Variants in KCNG2 observed in about 807,000 individuals in gnomAD.
The protein encoded by KCNG2 is potassium voltage-gated channel modifier subfamily G member 2, also known as voltage-gated potassium channel regulatory subunit KCNG2.
Under a neutral mutation model 12.3 loss-of-function variants are expected in KCNG2, and 7 were observed. The observed-to-expected ratio is 0.57, with a 90% CI of 0.32 to 1.07. The LOEUF (loss-of-function observed/expected upper bound fraction) is 1.07, where lower values mean the gene tolerates loss of function less well. Among genes scored for constraint, KCNG2 ranks in the 50% least tolerant of loss-of-function variants. The probability of loss-of-function intolerance (pLI) is 0.04; values close to 1 mark genes in which losing one functional copy is unlikely to be tolerated. For synonymous variants in KCNG2, 414 were observed against 351.4 expected (o/e 1.18, Z -1.99); for missense variants, 703 against 726.0 (o/e 0.97, Z 0.36).
intron 3 of KCNG2, among the ~76,000 whole-genome samples, chr18:79,898,774 G>T (rs1276898278): frequency 6.6e-6 from 1 of 152,262 alleles, no homozygotes; most frequent in Admixed American, 6.5e-5. Flanking sequence ...TAAAAGGTCA[G>T]GGGTTTTAAC....
At chr18:79,864,402 C>T in intron 3 of KCNG2, 111 bp downstream of exon 3, 1 of 901,506 alleles carries the variant, frequency 1.1e-6, no homozygotes, top group Non-Finnish European at 1.4e-6. Context: ...ATGGCCAGGG[C>T]CTAGGACCGG....
chr18:79,815,026 T>C (rs965495141), intron 1 of KCNG2, among the ~76,000 whole-genome samples: 1 of 152,144 alleles, frequency 6.6e-6, no homozygotes, highest in African/African-American at 2.4e-5. Flanking sequence ...TGCAAAAGGA[T>C]GTTCTTTGCA....
Position 79,863,801 on chromosome 18 carries a change from G to C in KCNG2, c.134G>C (p.Arg45Pro). 3 of 1,315,044 alleles carry C rather than the reference G, an allele frequency of 2.3e-6. No individual in the cohort carries two copies. Among genetic ancestry groups the C allele is most frequent in the Non-Finnish European group, 2.9e-6 (3 of 1,027,244 alleles). 81.5% of individuals were successfully genotyped at this position (1,315,044 alleles called of 1,614,324 possible). Residue 45 changes from arginine (R) to proline (P), a missense_variant, in exon 3 of 4, where the codon CGC (arginine) becomes CCC (proline). Transcript: ENST00000316249. ...LARCPLARLE[R>P]LRACRGHDDL... ...CGATGCCCCCTCGCGCGCCTGGAGC[G>C]CCTGCGCGCCTGCCGCGGCCACGAC... is the stretch of plus-strand genomic sequence containing the variant.
intron 1 of KCNG2, among the ~76,000 whole-genome samples, chr18:79,832,953 G>A (rs1978304322): frequency 6.6e-6 from 1 of 152,174 alleles, no homozygotes; most frequent in African/African-American, 2.4e-5. Context: ...CTGCTCCCCT[G>A]CTATGAGCCT....
chr18:79,812,968 C>T (rs746727638), intron 1 of KCNG2, among the ~76,000 whole-genome samples: 2 of 152,076 alleles, frequency 1.3e-5, no homozygotes, highest in African/African-American at 2.4e-5. Context: ...CCAGCCTGGC[C>T]AACATGGTGA....
At chr18:79,898,956 T>C (rs1981080680) in intron 3 of KCNG2, 84 bp from the exon 4 acceptor site, 2 of 1,094,998 alleles carry the variant, frequency 1.8e-6, no homozygotes, top group Non-Finnish European at 2.5e-6. Flanking sequence ...GGGGGACGCC[T>C]CTGGTCCTGG....
At chr18:79,846,510 A>T (rs1027912754) in intron 1 of KCNG2, among the ~76,000 whole-genome samples, 1 of 152,046 alleles carries the variant, frequency 6.6e-6, no homozygotes, top group African/African-American at 2.4e-5. Context: ...TACAGGAATG[A>T]TGCTAATATT....
intron 1 of KCNG2, among the ~76,000 whole-genome samples, chr18:79,851,669 CAA>C (rs1978824026): frequency 1.3e-5 from 2 of 151,354 alleles, no homozygotes; most frequent in Admixed American, 1.3e-4. Context: ...GTGAATGTGT[CAA>C]TGTGTGTGAA....
chr18:79,849,083 C>T lies in KCNG2; in HGVS notation c.-114-7296C>T, dbSNP rs558532340. 5.3e-5 allele frequency among the ~76,000 whole-genome samples: 8 copies of T among 152,258 alleles called. No homozygotes were observed. In the South Asian group the frequency reaches 1.4e-3, roughly 28 times the overall value. On this transcript the variant is annotated intron_variant, in intron 1 of 3. Coordinates refer to ENST00000316249, the MANE Select transcript of KCNG2 (RefSeq NM_012283.2). ...CGTTCTCCCTCCCACGCAGGCCACT[C>T]GGCCGCTCTGCACGCCAGGCCCCGC...
At chr18:79,823,674 GT>G (rs2087589404) in intron 1 of KCNG2, among the ~76,000 whole-genome samples, 1 of 152,088 alleles carries the variant, frequency 6.6e-6, no homozygotes, top group African/African-American at 2.4e-5. Flanking sequence ...ATGTTTAAGA[GT>G]TCATGCTATA....
rs779473882 is a variant in KCNG2, at chr18:79,899,546, G to A, written c.1131G>A (p.Pro377=). ...CCGTGGGCTACGGCGACATGGTCCC[G>A]CGCAGCCTGCCCGGGCAGGTGGTGG... is the stretch of plus-strand genomic sequence containing the variant. ...MTTVGYGDMV[P]RSLPGQVVAL... The change falls in exon 4 of 4, where the codon CCG becomes CCA. Residue 377 remains proline (P), a synonymous_variant. Coordinates refer to ENST00000316249, the MANE Select transcript of KCNG2 (RefSeq NM_012283.2). 7.5e-6 allele frequency: 12 copies of A among 1,603,902 alleles called. No homozygotes were observed. The African/African-American group carries it at 8.1e-5, about 11-fold the overall frequency.
At chr18:79,887,843 C>T (rs1370790280) in intron 3 of KCNG2, among the ~76,000 whole-genome samples, 3 of 152,164 alleles carry the variant, frequency 2.0e-5, no homozygotes, top group African/African-American at 7.2e-5. Flanking sequence ...AGCCAGGGAT[C>T]CACGCAGCAG....
chr18:79,899,765 G>C lies in KCNG2; in HGVS notation c.1350G>C (p.Ala450=), dbSNP rs760995612. 6.6e-7 allele frequency: 1 copy of C among 1,519,958 alleles called. No homozygotes were observed. The highest frequency in any genetic ancestry group is 2.2e-5 in the Admixed American group (1 of 45,128). 94.2% of individuals were successfully genotyped at this position (1,519,958 alleles called of 1,614,324 possible). A position where few individuals can be genotyped will look rare whatever the true frequency, so the allele number is the denominator to read the frequency against. ...ACAGCTCGCAGGGCCCCGACAGCGC[G>C]GGCCTGGCCGACGACTCCGCGGATG... ...TEDSSQGPDS[A]GLADDSADAL... is the part of the protein sequence containing the mutation. Residue 450 remains alanine, a synonymous_variant, in exon 4 of 4, where the codon GCG becomes GCC. Transcript: ENST00000316249.
chr18:79,898,974 A>C (rs1981081247), intron 3 of KCNG2, 66 bp from the exon 4 acceptor site: 1 of 1,250,924 alleles, frequency 8.0e-7, no homozygotes, highest in Non-Finnish European at 1.1e-6. Flanking sequence ...TGGGAAAGGA[A>C]GGGCAAGGCG....
chr18:79,828,675 A>G (rs1404901084), intron 1 of KCNG2, among the ~76,000 whole-genome samples: 1 of 148,804 alleles, frequency 6.7e-6, no homozygotes, highest in African/African-American at 2.5e-5. Context: ...GTGCATGTCT[A>G]TGTGTGCGTG....
chr18:79,828,580 TGTGTCTGCATGTGG>T (rs1978288054), intron 1 of KCNG2, among the ~76,000 whole-genome samples: 1 of 152,088 alleles, frequency 6.6e-6, no homozygotes, highest in South Asian at 2.1e-4. Flanking sequence ...TCTGTGTGCA[TGTGTCTGCATGTGG>T]GTGTGTGGAT....
rs564344343 is a variant in KCNG2, at chr18:79,843,292, G to A, written c.-114-13087G>A. Reference sequence around the variant, plus strand: ...ATTAAGGAGTGATAATTATTTTCCCGGACAAACAAAAGCTTAGGGAGTTTA... The same window carrying A: ...ATTAAGGAGTGATAATTATTTTCCCAGACAAACAAAAGCTTAGGGAGTTTA... On this transcript the variant is annotated intron_variant, in intron 1 of 3. Coordinates refer to ENST00000316249, the MANE Select transcript of KCNG2 (RefSeq NM_012283.2). 9.2e-5 allele frequency among the ~76,000 whole-genome samples: 14 copies of A among 152,200 alleles called. No individual in the cohort carries two copies. In the South Asian group the frequency reaches 1.5e-3, roughly 16 times the overall value.
In KCNG2 at chr18:79,800,400, G is replaced by A. The variant is rs2122983448; in HGVS notation, c.-115+2386G>A. Among the ~76,000 whole-genome samples the A allele has an allele frequency of 6.6e-6, 1 of 152,290 alleles. No individual in the cohort carries two copies. Among genetic ancestry groups the A allele is most frequent in the African/African-American group, 2.4e-5 (1 of 41,564 alleles). ...TGGGGCCCTTGCTGCCAGTGAGGTC[G>A]CTCAGACACAAACGGGTGCTGCCAT... On this transcript the variant is annotated intron_variant, in intron 1 of 3. Coordinates refer to ENST00000316249, the MANE Select transcript of KCNG2 (RefSeq NM_012283.2). The surrounding 1 kb of genome is among the most constrained non-coding windows in gnomAD (Gnocchi z 4.0).
chr18:79,824,116 C>T (rs927473151), intron 1 of KCNG2, among the ~76,000 whole-genome samples: 6 of 152,202 alleles, frequency 3.9e-5, no homozygotes, highest in Non-Finnish European at 7.3e-5. Flanking sequence ...GATCCTCCCA[C>T]CTCTCAGCCT....
Sources: gnomAD v4.1 joint callset for allele counts (sites outside exome capture counted in the v4.1 genomes callset) on GRCh38, gnomAD v4.1.1 for gene constraint, Gnocchi (gnomAD v3.1) non-coding constraint, MANE v1.5 for transcripts, NCBI Gene and HGNC (gene_info 2026-07-23, HGNC 2026-07-21) for gene names.